Variants in NTRK3 observed in about 807,000 individuals in gnomAD.
NTRK3 encodes the protein NT-3 growth factor receptor.
A neutral mutation model predicts 91.7 loss-of-function variants in NTRK3; 24 were observed. The ratio of observed to expected loss-of-function variants is 0.26; its 90% CI spans 0.19 to 0.37. The LOEUF (loss-of-function observed/expected upper bound fraction) is 0.37. NTRK3 is among the 10% of genes least tolerant of loss of function. NTRK3 has a pLI of 1.00. For missense variants in NTRK3, 880 were observed against 1,068.9 expected (o/e 0.82, Z 2.46); for synonymous variants, 483 against 404.0 (o/e 1.20, Z -2.34).
intron 13 of NTRK3, among the ~76,000 whole-genome samples, chr15:88,120,439 C>A (rs192113561): frequency 1.3e-5 from 2 of 152,382 alleles, no homozygotes; most frequent in East Asian, 3.9e-4. Context: ...CACCAGCACA[C>A]ATCCAGCCAT....
chr15:88,188,871 A>G (rs944352652), intron 3 of NTRK3, among the ~76,000 whole-genome samples: 1 of 152,200 alleles, frequency 6.6e-6, no homozygotes, highest in African/African-American at 2.4e-5. Flanking sequence ...TCTCCACTGA[A>G]AGTTCCTCTC....
At chr15:88,013,564 T>A (rs562927460) in intron 14 of NTRK3, among the ~76,000 whole-genome samples, 2 of 152,322 alleles carry the variant, frequency 1.3e-5, no homozygotes, top group South Asian at 4.1e-4. Flanking sequence ...CAGCATTAAG[T>A]AACATGAAAG....
chr15:88,135,074 C>G, intron 10 of NTRK3, 27 bp downstream of exon 10: 1 of 1,613,884 alleles, frequency 6.2e-7, no homozygotes, highest in Non-Finnish European at 8.5e-7. Context: ...AATCCATACA[C>G]CTCCGATCCA....
chr15:88,112,153 G>T (rs1033034166), intron 13 of NTRK3, among the ~76,000 whole-genome samples: 2 of 152,184 alleles, frequency 1.3e-5, no homozygotes, highest in African/African-American at 4.8e-5. Flanking sequence ...TGATCCGCCC[G>T]CCTTGGCCTC....
chr15:88,013,645 C>G (rs2077034470), intron 14 of NTRK3, among the ~76,000 whole-genome samples: 1 of 152,220 alleles, frequency 6.6e-6, no homozygotes. Flanking sequence ...AACTCAGACA[C>G]CCTTCTAAGA....
intron 17 of NTRK3, among the ~76,000 whole-genome samples, chr15:87,889,498 G>A (rs1013137022): frequency 7.1e-6 from 1 of 140,268 alleles, no homozygotes; most frequent in Admixed American, 7.5e-5. Flanking sequence ...TCCACCTCCC[G>A]GGTTCAAGCA....
intron 17 of NTRK3, among the ~76,000 whole-genome samples, chr15:87,896,884 T>C (rs2066157191): frequency 6.6e-6 from 1 of 152,176 alleles, no homozygotes; most frequent in Admixed American, 6.5e-5. Flanking sequence ...GGACAGACTA[T>C]TATCTAGCTT....
At chr15:88,071,672 G>A (rs890302015) in intron 13 of NTRK3, among the ~76,000 whole-genome samples, 11 of 152,306 alleles carry the variant, frequency 7.2e-5, no homozygotes, top group African/African-American at 1.2e-4. Context: ...AGCTAGGATC[G>A]CTGAGGGAGA....
At chr15:88,031,326 G>A (rs1442218625) in intron 14 of NTRK3, among the ~76,000 whole-genome samples, 4 of 152,126 alleles carry the variant, frequency 2.6e-5, no homozygotes, top group African/African-American at 9.7e-5. Flanking sequence ...CAATGTCTAG[G>A]TCTCTGCTCA....
At chr15:88,034,819 T>C (rs2142051681) in intron 13 of NTRK3, among the ~76,000 whole-genome samples, 1 of 152,352 alleles carries the variant, frequency 6.6e-6, no homozygotes, top group South Asian at 2.1e-4. Context: ...GAAAAGTAGC[T>C]GTAAGTGGTT....
At chr15:88,253,814 C>T (rs2053693979) in intron 3 of NTRK3, among the ~76,000 whole-genome samples, 1 of 152,182 alleles carries the variant, frequency 6.6e-6, no homozygotes, top group Non-Finnish European at 1.5e-5. Context: ...CAGACGCCCT[C>T]CTGAGGCCCT....
intron 17 of NTRK3, among the ~76,000 whole-genome samples, chr15:87,890,570 T>TACACAC (rs58806302): frequency 0.028 from 4,094 of 147,756 alleles, 149 homozygotes; most frequent in African/African-American, 0.081. Flanking sequence ...GCTTGTTCTT[T>TACACAC]ACACACACAC....
chr15:88,054,472 C>T (rs1329066259), intron 13 of NTRK3, among the ~76,000 whole-genome samples: 1 of 152,190 alleles, frequency 6.6e-6, no homozygotes, highest in Non-Finnish European at 1.5e-5. Flanking sequence ...AGATGAGATG[C>T]AGGCTCCTTT....
chr15:87,942,111 C>A (rs1398211625), intron 14 of NTRK3, among the ~76,000 whole-genome samples: 2 of 152,216 alleles, frequency 1.3e-5, no homozygotes, highest in Non-Finnish European at 2.9e-5. Context: ...TAAGAATAAA[C>A]TACAGGAATC....
intron 13 of NTRK3, among the ~76,000 whole-genome samples, chr15:88,054,190 C>CA (rs1455302258): frequency 3.3e-5 from 5 of 152,140 alleles, no homozygotes; most frequent in Non-Finnish European, 4.4e-5. Context: ...TCAGTCAATC[C>CA]AAAAAATATA....
chr15:88,218,093 T>C (rs1003951489), intron 3 of NTRK3, among the ~76,000 whole-genome samples: 8 of 152,056 alleles, frequency 5.3e-5, no homozygotes, highest in Non-Finnish European at 1.2e-4. Flanking sequence ...GCCCAGAACA[T>C]CTCTGTTCCC....
At chr15:88,228,516 C>G (rs1232553160) in intron 3 of NTRK3, among the ~76,000 whole-genome samples, 1 of 152,184 alleles carries the variant, frequency 6.6e-6, no homozygotes, top group Non-Finnish European at 1.5e-5. Flanking sequence ...AATTGCTGCC[C>G]CTTCCAACTC....
At chr15:88,118,232 C>T (rs2052320369) in intron 13 of NTRK3, among the ~76,000 whole-genome samples, 1 of 152,200 alleles carries the variant, frequency 6.6e-6, no homozygotes, top group Non-Finnish European at 1.5e-5. Context: ...GGAGAATGAG[C>T]TGCATAAACG....
At chr15:87,905,951 T>G (rs1055001864) in intron 17 of NTRK3, among the ~76,000 whole-genome samples, 1 of 152,174 alleles carries the variant, frequency 6.6e-6, no homozygotes, top group African/African-American at 2.4e-5. Context: ...TCATGCGCAA[T>G]CAGCAAAGAC....
Sources: gnomAD v4.1 joint callset for allele counts (sites outside exome capture counted in the v4.1 genomes callset) on GRCh38, gnomAD v4.1.1 for gene constraint, MANE v1.5 for transcripts, NCBI Gene and HGNC (gene_info 2026-07-23, HGNC 2026-07-21) for gene names.